Variants in HTR1F observed in about 807,000 individuals in gnomAD.
HTR1F encodes 5-hydroxytryptamine receptor 1F.
A neutral mutation model predicts 24.0 loss-of-function variants in HTR1F; 17 were observed. That is an observed-to-expected ratio of 0.71 (90% CI 0.48 to 1.06). HTR1F has a LOEUF of 1.06. Ranked by LOEUF, HTR1F falls within the 50% of genes least tolerant of loss-of-function variation. HTR1F has a pLI of 0.00. For synonymous variants in HTR1F, 186 were observed against 156.8 expected (o/e 1.19, Z -1.39); for missense variants, 391 against 427.8 (o/e 0.91, Z 0.76).
chr3:87,847,412 G>A (rs1356325438), intron 2 of HTR1F, among the ~76,000 whole-genome samples: 1 of 151,734 alleles, frequency 6.6e-6, no homozygotes, highest in Non-Finnish European at 1.5e-5. Context: ...TGTATTGATA[G>A]ACAATATTTT....
At chr3:87,979,650 C>A (rs1289069567) in intron 2 of HTR1F, among the ~76,000 whole-genome samples, 1 of 152,200 alleles carries the variant, frequency 6.6e-6, no homozygotes, top group Non-Finnish European at 1.5e-5. Flanking sequence ...ACTCGGCCCA[C>A]TGGGCTTGTT....
intron 2 of HTR1F, among the ~76,000 whole-genome samples, chr3:87,909,993 C>T (rs1703743138): frequency 6.6e-6 from 1 of 152,056 alleles, no homozygotes; most frequent in South Asian, 2.1e-4. Context: ...AGACTAACTA[C>T]AATCTGTACC....
chr3:87,842,726 C>T (rs1251251608), intron 2 of HTR1F, among the ~76,000 whole-genome samples: 1 of 151,946 alleles, frequency 6.6e-6, no homozygotes, highest in South Asian at 2.1e-4. Flanking sequence ...GACTAGAAAT[C>T]TCTACAGATT....
chr3:87,911,913 T>A, intron 2 of HTR1F, among the ~76,000 whole-genome samples: 1 of 152,248 alleles, frequency 6.6e-6, no homozygotes, highest in African/African-American at 2.4e-5. Flanking sequence ...CGAAGAAATA[T>A]ACCTCAAAAT....
chr3:87,984,668 G>C (rs766300038), intron 2 of HTR1F, among the ~76,000 whole-genome samples: 16 of 152,102 alleles, frequency 1.1e-4, no homozygotes, highest in Non-Finnish European at 2.1e-4. Flanking sequence ...CACCATGTTA[G>C]TCAAGCTGGT....
At chr3:87,901,190 T>C (rs1706313187) in intron 2 of HTR1F, among the ~76,000 whole-genome samples, 1 of 152,166 alleles carries the variant, frequency 6.6e-6, no homozygotes, top group African/African-American at 2.4e-5. Context: ...TCATACCCCA[T>C]CATTTGTTGA....
chr3:87,921,668 G>C (rs1274606949), intron 2 of HTR1F, among the ~76,000 whole-genome samples: 1 of 151,798 alleles, frequency 6.6e-6, no homozygotes, highest in Non-Finnish European at 1.5e-5. Context: ...TAGAACACTA[G>C]AATCCTATCT....
chr3:87,912,057 C>A (rs1160377597), intron 2 of HTR1F, among the ~76,000 whole-genome samples: 1 of 151,922 alleles, frequency 6.6e-6, no homozygotes, highest in Non-Finnish European at 1.5e-5. Context: ...TATTGTAAGT[C>A]CTGGCCAGAG....
At chr3:87,956,462 TG>T (rs1704945901) in intron 2 of HTR1F, among the ~76,000 whole-genome samples, 1 of 151,398 alleles carries the variant, frequency 6.6e-6, no homozygotes, top group African/African-American at 2.4e-5. Context: ...TCTTAAACTA[TG>T]TTCTTTCTTA....
intron 2 of HTR1F, among the ~76,000 whole-genome samples, chr3:87,883,527 A>C (rs1248190915): frequency 1.3e-5 from 2 of 152,210 alleles, no homozygotes; most frequent in Non-Finnish European, 2.9e-5. Context: ...AATTTCTCCA[A>C]GCTAAAGGAG....
intron 2 of HTR1F, among the ~76,000 whole-genome samples, chr3:87,880,858 T>G (rs1453762249): frequency 6.6e-6 from 1 of 152,232 alleles, no homozygotes. Context: ...AAACTGTAAT[T>G]GGAGACTTAT....
At chr3:87,907,832 A>G (rs1449387261) in intron 2 of HTR1F, among the ~76,000 whole-genome samples, 1 of 152,050 alleles carries the variant, frequency 6.6e-6, no homozygotes, top group Admixed American at 6.6e-5. Context: ...AAAGCAATGG[A>G]ATAGCAAAGA....
At chr3:87,921,658 T>C (rs755582234) in intron 2 of HTR1F, among the ~76,000 whole-genome samples, 3 of 151,904 alleles carry the variant, frequency 2.0e-5, no homozygotes, top group Non-Finnish European at 4.4e-5. Flanking sequence ...TATAGTGATA[T>C]AGAACACTAG....
intron 2 of HTR1F, among the ~76,000 whole-genome samples, chr3:87,854,951 G>A (rs901215859): frequency 5.9e-5 from 9 of 151,654 alleles, no homozygotes; most frequent in South Asian, 2.1e-4. Flanking sequence ...TTTTTTGGTC[G>A]GGTTGCTTTA....
At chr3:87,816,849 ATTAG>A (rs913040591) in intron 1 of HTR1F, among the ~76,000 whole-genome samples, 2 of 152,108 alleles carry the variant, frequency 1.3e-5, no homozygotes, top group African/African-American at 4.8e-5. Flanking sequence ...TGATTTTCTT[ATTAG>A]TAATACCATC....
At chr3:87,982,715 G>C (rs1044443958) in intron 2 of HTR1F, among the ~76,000 whole-genome samples, 1 of 152,214 alleles carries the variant, frequency 6.6e-6, no homozygotes, top group Admixed American at 6.5e-5. Flanking sequence ...CCTCAGAGGA[G>C]AGCACTCTGA....
At chr3:87,831,644 G>A (rs1313145953) in intron 2 of HTR1F, among the ~76,000 whole-genome samples, 1 of 152,088 alleles carries the variant, frequency 6.6e-6, no homozygotes, top group African/African-American at 2.4e-5. Flanking sequence ...TTACAGGCGT[G>A]AGCCACTGCG....
chr3:87,945,898 G>A (rs548741791), intron 2 of HTR1F, among the ~76,000 whole-genome samples: 6 of 152,104 alleles, frequency 3.9e-5, no homozygotes, highest in Admixed American at 6.5e-5. Context: ...AGATGGTGGC[G>A]GGCTGCTTCC....
In HTR1F at chr3:87,962,043, A is replaced by G. The variant is rs77610552; in HGVS notation, c.-42-28665A>G. 8.9e-3 allele frequency among the ~76,000 whole-genome samples: 1,355 copies of G among 152,186 alleles called. 16 individuals carry two copies. Among genetic ancestry groups the G allele is most frequent in the African/African-American group, 0.03 (1,232 of 41,554 alleles). On this transcript the variant is annotated intron_variant, in intron 2 of 2. Coordinates refer to ENST00000319595, the MANE Select transcript of HTR1F (RefSeq NM_001322209.2). ...TCATTTGCTAAACCAGGCAACCTCA[A>G]TGTGCTATCTACATTGCATCAAAAA...
Sources: allele counts gnomAD v4.1 joint callset (sites outside exome capture counted in the v4.1 genomes callset), GRCh38; gene constraint gnomAD v4.1.1; transcripts MANE v1.5; gene names NCBI Gene and HGNC (gene_info 2026-07-23, HGNC 2026-07-21).